The following SNTG1 variants were observed in gnomAD, a reference collection of about 807,000 sequenced individuals.
The protein encoded by SNTG1 is gamma-1-syntrophin.
Under a neutral mutation model 74.7 loss-of-function variants are expected in SNTG1, and 39 were observed. The ratio of observed to expected loss-of-function variants is 0.52; its 90% confidence interval spans 0.40 to 0.68. SNTG1 has a LOEUF of 0.68. Ranked by LOEUF, SNTG1 falls within the 30% of genes least tolerant of loss-of-function variation. The pLI is 0.00. For missense variants in SNTG1, 685 were observed against 609.5 expected (o/e 1.12, Z -1.30); for synonymous variants, 254 against 217.1 (o/e 1.17, Z -1.49).
chr8:50,564,746 CAGA>C (rs1300622964), intron 12 of SNTG1, among the ~76,000 whole-genome samples: 1 of 152,052 alleles, frequency 6.6e-6, no homozygotes, highest in African/African-American at 2.4e-5. Context: ...TAAACACTAA[CAGA>C]AGGCTAGTTT....
intron 12 of SNTG1, among the ~76,000 whole-genome samples, chr8:50,562,462 G>A (rs964602448): frequency 1.2e-4 from 18 of 152,192 alleles, no homozygotes; most frequent in East Asian, 5.8e-4. Flanking sequence ...TTCAAAGAAA[G>A]CAGTAGTCCA....
At chr8:50,670,246 C>A (rs1263511802) in intron 15 of SNTG1, among the ~76,000 whole-genome samples, 3 of 152,166 alleles carry the variant, frequency 2.0e-5, no homozygotes, top group African/African-American at 7.2e-5. Context: ...AAGAAGAAGT[C>A]AAATTGTCCC....
chr8:50,789,028 G>A (rs1213159440), intron 18 of SNTG1, among the ~76,000 whole-genome samples: 1 of 151,934 alleles, frequency 6.6e-6, no homozygotes, highest in African/African-American at 2.4e-5. Flanking sequence ...AAACATTCTT[G>A]ATTTCCTATT....
At chr8:50,273,030 A>G (rs2130310784) in intron 2 of SNTG1, among the ~76,000 whole-genome samples, 1 of 152,264 alleles carries the variant, frequency 6.6e-6, no homozygotes, top group East Asian at 1.9e-4. Flanking sequence ...AAGCACGAGC[A>G]TATTTTTAAA....
At chr8:50,694,754 T>C (rs10958041) in intron 15 of SNTG1, among the ~76,000 whole-genome samples, 30,949 of 151,938 alleles carry the variant, frequency 0.2, 3,264 homozygotes, top group South Asian at 0.31. Context: ...GATTTATCCC[T>C]GGAATGCAAA....
chr8:50,644,892 TAAAG>T, intron 13 of SNTG1, among the ~76,000 whole-genome samples: 1 of 151,070 alleles, frequency 6.6e-6, no homozygotes, highest in East Asian at 2.0e-4. Flanking sequence ...TGTTGTGGCC[TAAAG>T]AAACACTTGC....
chr8:49,952,330 G>C (rs368095191), intron 1 of SNTG1, among the ~76,000 whole-genome samples: 29 of 152,314 alleles, frequency 1.9e-4, no homozygotes, highest in South Asian at 1.7e-3. Context: ...ATCCTGATGA[G>C]AATATGGGGA....
intron 2 of SNTG1, among the ~76,000 whole-genome samples, chr8:50,333,336 G>A (rs1375249633): frequency 6.6e-6 from 1 of 152,200 alleles, no homozygotes; most frequent in Non-Finnish European, 1.5e-5. Flanking sequence ...CATATTGAAT[G>A]TTTAAGTGTT....
At chr8:50,511,263 G>T (rs890072383) in intron 9 of SNTG1, among the ~76,000 whole-genome samples, 1 of 152,210 alleles carries the variant, frequency 6.6e-6, no homozygotes, top group African/African-American at 2.4e-5. Context: ...TAGTTTGATT[G>T]CACTGTGGTC....
rs1563817618 is a variant in SNTG1 at position 50,763,895 on chromosome 8, ACACACACACAC to A, written c.1395+11785_1395+11795del. 3.0e-3 allele frequency among the ~76,000 whole-genome samples: 371 copies of A among 123,766 alleles called. 4 individuals carry two copies. Among genetic ancestry groups the A allele is most frequent in the African/African-American group, 0.017 (323 of 18,724 alleles). 81.2% of individuals were successfully genotyped at this position (123,766 alleles called of 152,430 possible). The stretch of plus-strand genomic sequence containing the variant: ...CACACACACACACACACACACACAC[ACACACACACAC>A]AAAAATAACCAAGGCAATTCCTATA... On this transcript the variant is annotated intron_variant, in intron 18 of 18. Transcript: ENST00000642720.
intron 17 of SNTG1, chr8:50,747,782 C>T (rs2095558487): frequency 6.6e-6 from 1 of 151,914 alleles, no homozygotes; most frequent in Non-Finnish European, 1.5e-5. Context: ...AGGGCTCACT[C>T]TGTAGTGCAG....
chr8:49,950,603 G>A (rs1320263891), intron 1 of SNTG1, among the ~76,000 whole-genome samples: 1 of 151,934 alleles, frequency 6.6e-6, no homozygotes, highest in African/African-American at 2.4e-5. Flanking sequence ...TTTTTATTAG[G>A]CTATGGCAAA....
At chr8:50,561,666 T>A (rs1366203593) in intron 12 of SNTG1, among the ~76,000 whole-genome samples, 4 of 152,072 alleles carry the variant, frequency 2.6e-5, no homozygotes, top group Non-Finnish European at 4.4e-5. Context: ...ATCTCAGAAC[T>A]AGAGACACAA....
chr8:50,504,004 C>T (rs2093985575), intron 9 of SNTG1, among the ~76,000 whole-genome samples: 1 of 152,276 alleles, frequency 6.6e-6, no homozygotes, highest in Non-Finnish European at 1.5e-5. Context: ...CTACATCCCA[C>T]TGAAAGGCCA....
At chr8:50,441,669 AT>A (rs1378700618) in intron 5 of SNTG1, among the ~76,000 whole-genome samples, 1 of 152,058 alleles carries the variant, frequency 6.6e-6, no homozygotes. Flanking sequence ...TTATTCCTTA[AT>A]TTTTCTCTTT....
rs118114969 is a variant in SNTG1, at chr8:50,174,571, G to A, written c.-28+1936G>A. 2.6e-4 allele frequency among the ~76,000 whole-genome samples: 40 copies of A among 152,048 alleles called. 1 individual carries two copies. Among genetic ancestry groups the A allele is most frequent in the East Asian group, 2.3e-3 (12 of 5,162 alleles). ...CAAAGCAAAAATAACCCTTTCTAAC[G>A]CATTATAAATGCCATTATATACCCA... On this transcript the variant is annotated intron_variant, in intron 2 of 18. Transcript: ENST00000642720.
intron 2 of SNTG1, among the ~76,000 whole-genome samples, chr8:50,349,203 G>A (rs2091571886): frequency 6.6e-6 from 1 of 152,140 alleles, no homozygotes; most frequent in African/African-American, 2.4e-5. Context: ...AATATTTTAT[G>A]TATTCAACAC....
chr8:50,040,893 T>C (rs1292334081), intron 1 of SNTG1, among the ~76,000 whole-genome samples: 1 of 152,160 alleles, frequency 6.6e-6, no homozygotes, highest in Admixed American at 6.5e-5. Flanking sequence ...TTTTTTAAAT[T>C]AATTATTATT....
intron 11 of SNTG1, among the ~76,000 whole-genome samples, chr8:50,549,643 A>G (rs1314452461): frequency 2.6e-5 from 4 of 152,184 alleles, no homozygotes; most frequent in African/African-American, 9.6e-5. Context: ...ATCACTGATT[A>G]CACCTTGTCC....
Sources: gnomAD v4.1 joint callset for allele counts (sites outside exome capture counted in the v4.1 genomes callset) on GRCh38, gnomAD v4.1.1 for gene constraint, MANE v1.5 for transcripts, NCBI Gene and HGNC (gene_info 2026-07-23, HGNC 2026-07-21) for gene names.